Variants in NPFFR2 observed in about 807,000 individuals in gnomAD.
NPFFR2 encodes the protein G-protein coupled receptor 74.
Under a neutral mutation model 13.1 loss-of-function variants are expected in NPFFR2, and 15 were observed. That is an observed-to-expected ratio of 1.15 (90% confidence interval 0.77 to 1.76). The LOEUF (loss-of-function observed/expected upper bound fraction) is 1.76. NPFFR2 is among the 40% of genes most tolerant of loss of function. The pLI is 0.00. For missense variants in NPFFR2, 572 were observed against 503.5 expected, an observed-to-expected ratio of 1.14 and a Z score of -1.30; for synonymous variants, 190 against 175.7, an observed-to-expected ratio of 1.08 and a Z score of -0.65.
At position 72,119,251 on chromosome 4, in the gene NPFFR2, G is replaced by T. The variant is rs150083717; in HGVS notation, c.-7-9334G>T. Among the ~76,000 whole-genome samples, 447 of 152,210 alleles carry T rather than the reference G, an allele frequency of 2.9e-3. 1 individual carries two copies. Among genetic ancestry groups the T allele is most frequent in the Middle Eastern group, 0.01 (3 of 292 alleles). On this transcript the variant is annotated intron_variant, in intron 1 of 3. Coordinates refer to ENST00000308744, the MANE Select transcript of NPFFR2 (RefSeq NM_004885.3). ...GCAAGGATATGGGCAAAAAATAGTG[G>T]GATCTAAATATGTTGTACATAGATT...
In NPFFR2 at chr4:72,147,479, C is replaced by T. The variant is rs377325352; in HGVS notation, c.930C>T (p.Ile310=). ...TTTCTCCAAATGAACTGCAGATCAT[C>T]AACATCTACATCTACCCTTTTGCAC... The part of the protein sequence containing the change: ...ADLSPNELQI[I]NIYIYPFAHW... The change falls in exon 4 of 4, where the codon ATC becomes ATT. Residue 310 remains isoleucine (I), a synonymous_variant. Transcript: ENST00000308744. 6.2e-7 allele frequency: 1 copy of T among 1,614,052 alleles called. No homozygotes were observed. The highest frequency in any genetic ancestry group is 1.3e-5 in the African/African-American group (1 of 74,924).
chr4:72,064,979 A>T (rs1478861572), intron 1 of NPFFR2, among the ~76,000 whole-genome samples: 1 of 152,102 alleles, frequency 6.6e-6, no homozygotes, highest in East Asian at 1.9e-4. Flanking sequence ...ACTGCCAAAT[A>T]TGAAAAGAGA....
intron 1 of NPFFR2, among the ~76,000 whole-genome samples, chr4:72,085,746 C>T (rs1484992051): frequency 2.0e-5 from 3 of 152,160 alleles, no homozygotes; most frequent in Non-Finnish European, 4.4e-5. Flanking sequence ...AACCCTCCTA[C>T]ACTGACTACA....
At chr4:72,098,219 ACTG>A (rs1442154994) in intron 1 of NPFFR2, among the ~76,000 whole-genome samples, 2 of 152,232 alleles carry the variant, frequency 1.3e-5, no homozygotes, top group East Asian at 3.8e-4. Context: ...CATATAACGT[ACTG>A]TGTTATGTGA....
At chr4:72,038,535 C>G (rs1719104410) in intron 1 of NPFFR2, among the ~76,000 whole-genome samples, 1 of 151,940 alleles carries the variant, frequency 6.6e-6, no homozygotes, top group South Asian at 2.1e-4. Context: ...TTTTTAATTC[C>G]TTTCTGTTGA....
chr4:72,035,505 T>C (rs199664535), intron 1 of NPFFR2, among the ~76,000 whole-genome samples: 28 of 148,806 alleles, frequency 1.9e-4, no homozygotes, highest in African/African-American at 5.9e-4. Context: ...TAGCCCCCCC[T>C]AAAAAAGTCA....
chr4:72,108,586 G>A (rs983843213), intron 1 of NPFFR2, among the ~76,000 whole-genome samples: 8 of 151,858 alleles, frequency 5.3e-5, no homozygotes, highest in Non-Finnish European at 1.2e-4. Context: ...AAGAATTGGA[G>A]GAAATAGACT....
intron 1 of NPFFR2, among the ~76,000 whole-genome samples, chr4:72,112,182 T>A (rs1220347129): frequency 6.6e-6 from 1 of 152,050 alleles, no homozygotes; most frequent in Middle Eastern, 3.2e-3. Flanking sequence ...TTGATTCTCA[T>A]CAGTTGATTT....
intron 1 of NPFFR2, among the ~76,000 whole-genome samples, chr4:72,048,229 T>G (rs538380242): frequency 6.6e-6 from 1 of 152,218 alleles, no homozygotes; most frequent in East Asian, 1.9e-4. Context: ...TTCAGTTTCT[T>G]CTTCCCAAGT....
chr4:72,057,408 A>G (rs1323069507), intron 1 of NPFFR2, among the ~76,000 whole-genome samples: 7 of 152,000 alleles, frequency 4.6e-5, no homozygotes, highest in African/African-American at 1.7e-4. Context: ...AAGATCTCCG[A>G]GAAAATTCTT....
At chr4:72,145,283 A>G (rs986415412) in intron 3 of NPFFR2, among the ~76,000 whole-genome samples, 1 of 145,816 alleles carries the variant, frequency 6.9e-6, no homozygotes, top group East Asian at 1.9e-4. Flanking sequence ...AAATATAAAT[A>G]TATAAATACA....
At chr4:72,105,793 A>T (rs980497076) in intron 1 of NPFFR2, among the ~76,000 whole-genome samples, 1 of 152,056 alleles carries the variant, frequency 6.6e-6, no homozygotes, top group Non-Finnish European at 1.5e-5. Context: ...GTACAATTCC[A>T]ATTTCAAAAC....
chr4:72,134,913 G>C (rs1391785413), intron 2 of NPFFR2, among the ~76,000 whole-genome samples: 3 of 150,804 alleles, frequency 2.0e-5, no homozygotes, highest in Non-Finnish European at 4.4e-5. Flanking sequence ...TGGATGCCAT[G>C]TCCCCTTCTT....
intron 1 of NPFFR2, among the ~76,000 whole-genome samples, chr4:72,059,155 T>A (rs145789099): frequency 1.7e-3 from 252 of 152,218 alleles, no homozygotes; most frequent in African/African-American, 5.7e-3. Context: ...TATCAAGGCA[T>A]CTCATGAATT....
chr4:72,053,450 G>C (rs1719649174), intron 1 of NPFFR2, among the ~76,000 whole-genome samples: 1 of 151,772 alleles, frequency 6.6e-6, no homozygotes, highest in African/African-American at 2.4e-5. Flanking sequence ...CTATAAGAAA[G>C]TTATTTTTTT....
At chr4:72,058,373 C>G (rs1475725019) in intron 1 of NPFFR2, among the ~76,000 whole-genome samples, 3 of 144,520 alleles carry the variant, frequency 2.1e-5, no homozygotes, top group Non-Finnish European at 4.5e-5. Context: ...TTCTCTAGTT[C>G]TGAAATTATT....
intron 2 of NPFFR2, among the ~76,000 whole-genome samples, chr4:72,137,737 A>G (rs915876218): frequency 7.9e-5 from 12 of 152,164 alleles, no homozygotes; most frequent in African/African-American, 2.7e-4. Context: ...TACCTCGTCT[A>G]TATTGTGAGG....
At chr4:72,063,401 A>C (rs771574864) in intron 1 of NPFFR2, among the ~76,000 whole-genome samples, 18 of 152,200 alleles carry the variant, frequency 1.2e-4, no homozygotes, top group Admixed American at 2.6e-4. Flanking sequence ...ATTTGAATAA[A>C]TAAATGGTTT....
At chr4:72,082,794 A>T (rs979802126) in intron 1 of NPFFR2, among the ~76,000 whole-genome samples, 12 of 152,046 alleles carry the variant, frequency 7.9e-5, no homozygotes, top group African/African-American at 2.9e-4. Context: ...CCTTTGATCA[A>T]CATCTCCCCA....
Sources: gnomAD v4.1 joint callset for allele counts (sites outside exome capture counted in the v4.1 genomes callset) on GRCh38, gnomAD v4.1.1 for gene constraint, MANE v1.5 for transcripts, NCBI Gene and HGNC (gene_info 2026-07-23, HGNC 2026-07-21) for gene names.